The following PTPRD variants were observed in gnomAD, a reference collection of about 807,000 sequenced individuals.
The protein encoded by PTPRD is protein tyrosine phosphatase receptor type D.
In PTPRD, 34 loss-of-function variants were observed where a neutral mutation model predicts 214.5. The ratio of observed to expected loss-of-function variants is 0.16; its 90% CI spans 0.12 to 0.21. PTPRD has a LOEUF of 0.21. Among genes scored for constraint, PTPRD ranks in the 10% least tolerant of loss-of-function variants. The probability of loss-of-function intolerance (pLI) is 1.00; values close to 1 mark genes in which losing one functional copy is unlikely to be tolerated. For missense variants in PTPRD, 2,545 were observed against 2,398.7 expected, an observed-to-expected ratio of 1.06 and a Z score of -1.27; for synonymous variants, 1,128 against 845.7, an observed-to-expected ratio of 1.33 and a Z score of -5.79.
intron 3 of PTPRD, among the ~76,000 whole-genome samples, chr9:10,285,353 A>G (rs1223575214): frequency 1.3e-5 from 2 of 152,300 alleles, no homozygotes; most frequent in East Asian, 1.9e-4. Context: ...TATGAACTTT[A>G]AAAAGCATTT....
chr9:10,137,626 C>T (rs1359871891), intron 3 of PTPRD, among the ~76,000 whole-genome samples: 1 of 74,694 alleles, frequency 1.3e-5, no homozygotes, highest in Admixed American at 1.6e-4. Flanking sequence ...GGGTGCAGCG[C>T]ACCAGCATGG....
intron 7 of PTPRD, among the ~76,000 whole-genome samples, chr9:9,716,818 G>A (rs1041305715): frequency 3.3e-5 from 5 of 151,764 alleles, no homozygotes; most frequent in African/African-American, 1.2e-4. Context: ...CACTTTGATG[G>A]TAGTTTCTTT....
chr9:9,420,147 A>G (rs1020583610), intron 8 of PTPRD, among the ~76,000 whole-genome samples: 7 of 151,740 alleles, frequency 4.6e-5, no homozygotes, highest in Admixed American at 3.3e-4. Flanking sequence ...AAGTTTACCC[A>G]AAATTATCAA....
At chr9:10,584,744 G>C (rs1474566362) in intron 2 of PTPRD, among the ~76,000 whole-genome samples, 1 of 152,120 alleles carries the variant, frequency 6.6e-6, no homozygotes. Context: ...CCTGTTCAAA[G>C]AAGCGATGTA....
At chr9:10,181,897 T>C (rs946022926) in intron 3 of PTPRD, among the ~76,000 whole-genome samples, 5 of 137,212 alleles carry the variant, frequency 3.6e-5, no homozygotes, top group Non-Finnish European at 7.6e-5. Context: ...TTTGGAACTC[T>C]GAGACAGAAA....
At chr9:8,573,621 C>T (rs929507402) in intron 14 of PTPRD, among the ~76,000 whole-genome samples, 1 of 151,876 alleles carries the variant, frequency 6.6e-6, no homozygotes, top group African/African-American at 2.4e-5. Context: ...TTAAGCATAT[C>T]TCTAATGTTC....
At chr9:9,877,565 G>A (rs777106166) in intron 5 of PTPRD, among the ~76,000 whole-genome samples, 1 of 152,136 alleles carries the variant, frequency 6.6e-6, no homozygotes, top group South Asian at 2.1e-4. Flanking sequence ...GAAGGAGAAT[G>A]TTTTCTGCTC....
At chr9:9,857,829 T>C (rs144320213) in intron 5 of PTPRD, among the ~76,000 whole-genome samples, 104 of 152,306 alleles carry the variant, frequency 6.8e-4, no homozygotes, top group African/African-American at 2.4e-3. Flanking sequence ...TTAGTATTTG[T>C]CTTCTGAAAG....
chr9:10,366,600 A>G (rs978181709), intron 2 of PTPRD, among the ~76,000 whole-genome samples: 1 of 152,174 alleles, frequency 6.6e-6, no homozygotes, highest in Admixed American at 6.5e-5. Flanking sequence ...TAAAATTGTC[A>G]TATTTGTTAT....
At chr9:10,563,114 A>G (rs940982727) in intron 2 of PTPRD, among the ~76,000 whole-genome samples, 4 of 152,168 alleles carry the variant, frequency 2.6e-5, no homozygotes, top group African/African-American at 9.7e-5. Context: ...CCCACTTGTC[A>G]TGGAAAATTG....
chr9:8,778,907 G>A (rs1324754392), intron 11 of PTPRD, among the ~76,000 whole-genome samples: 1 of 152,228 alleles, frequency 6.6e-6, no homozygotes, highest in Admixed American at 6.5e-5. Flanking sequence ...CATGGTAAAA[G>A]GTGTTTTATT....
chr9:9,314,331 G>T (rs934027662), intron 9 of PTPRD, among the ~76,000 whole-genome samples: 1 of 152,062 alleles, frequency 6.6e-6, no homozygotes, highest in Non-Finnish European at 1.5e-5. Flanking sequence ...GAAGAAACAA[G>T]TTCTGTTCTT....
intron 14 of PTPRD, among the ~76,000 whole-genome samples, chr9:8,593,403 T>C (rs141133086): frequency 3.1e-4 from 47 of 152,276 alleles, no homozygotes; most frequent in African/African-American, 1.1e-3. Context: ...AAGGTCACAC[T>C]TGTTTATTGT....
intron 7 of PTPRD, among the ~76,000 whole-genome samples, chr9:9,703,030 T>G (rs2097532869): frequency 6.6e-6 from 1 of 152,174 alleles, no homozygotes; most frequent in Non-Finnish European, 1.5e-5. Context: ...AAATCTCATC[T>G]CGAATTGTAA....
chr9:9,672,870 T>C (rs1269557227), intron 7 of PTPRD, among the ~76,000 whole-genome samples: 1 of 152,068 alleles, frequency 6.6e-6, no homozygotes, highest in Non-Finnish European at 1.5e-5. Flanking sequence ...GCTAAAGAAG[T>C]ATATGTAGAT....
intron 3 of PTPRD, among the ~76,000 whole-genome samples, chr9:10,213,424 C>T (rs1193101191): frequency 6.6e-6 from 1 of 152,040 alleles, no homozygotes. Flanking sequence ...TCTCTGCCTC[C>T]TTCATGTTCT....
At chr9:10,357,167 C>T (rs1451594241) in intron 2 of PTPRD, among the ~76,000 whole-genome samples, 1 of 152,102 alleles carries the variant, frequency 6.6e-6, no homozygotes. Context: ...AAATCCTCAT[C>T]TATTTCTCCT....
chr9:8,991,112 G>A (rs1031186445), intron 11 of PTPRD, among the ~76,000 whole-genome samples: 27 of 151,716 alleles, frequency 1.8e-4, no homozygotes, highest in African/African-American at 5.1e-4. Flanking sequence ...CCAGCTACTC[G>A]GGAGGCTGAG....
At chr9:9,043,214 T>C (rs1481038356) in intron 10 of PTPRD, among the ~76,000 whole-genome samples, 3 of 152,202 alleles carry the variant, frequency 2.0e-5, no homozygotes, top group Non-Finnish European at 4.4e-5. Flanking sequence ...CATCATTCTG[T>C]GTTGTTGGAA....
Sources: allele counts gnomAD v4.1 joint callset (sites outside exome capture counted in the v4.1 genomes callset), GRCh38; gene constraint gnomAD v4.1.1; transcripts MANE v1.5; gene names NCBI Gene and HGNC (gene_info 2026-07-23, HGNC 2026-07-21).